The following BBOX1 variants were observed in gnomAD, a reference collection of about 807,000 sequenced individuals.
The protein encoded by BBOX1 is gamma-butyrobetaine dioxygenase.
Under a neutral mutation model 41.6 loss-of-function variants are expected in BBOX1, and 35 were observed. That is an observed-to-expected ratio of 0.84 (90% CI 0.64 to 1.11). The LOEUF (loss-of-function observed/expected upper bound fraction) is 1.11. Ranked by LOEUF, BBOX1 falls within the 50% of genes most tolerant of loss-of-function variation. The probability of loss-of-function intolerance (pLI) is 0.00; values close to 1 mark genes in which losing one functional copy is unlikely to be tolerated. For synonymous variants in BBOX1, 163 were observed against 154.7 expected (o/e 1.05, Z -0.40); for missense variants, 458 against 460.6 (o/e 0.99, Z 0.05).
chr11:27,112,825 G>A (rs1859119284), intron 5 of BBOX1, among the ~76,000 whole-genome samples: 1 of 151,822 alleles, frequency 6.6e-6, no homozygotes, highest in Non-Finnish European at 1.5e-5. Flanking sequence ...TTCAACTAAA[G>A]AGCTTCTACA....
intron 5 of BBOX1, among the ~76,000 whole-genome samples, chr11:27,096,074 G>A (rs1446817375): frequency 6.6e-6 from 1 of 151,946 alleles, no homozygotes; most frequent in African/African-American, 2.4e-5. Context: ...CTCATGTGCA[G>A]CCAAGGTTGA....
chr11:27,111,176 G>A (rs1859048801), intron 5 of BBOX1, among the ~76,000 whole-genome samples: 2 of 151,860 alleles, frequency 1.3e-5, no homozygotes, highest in South Asian at 2.1e-4. Flanking sequence ...CCATATAAAA[G>A]AACAAAATCA....
At chr11:27,045,935 T>C (rs1851474027) in intron 2 of BBOX1, among the ~76,000 whole-genome samples, 1 of 152,208 alleles carries the variant, frequency 6.6e-6, no homozygotes, top group African/African-American at 2.4e-5. Flanking sequence ...TTGTAAGTAA[T>C]GTTTGAAGAA....
chr11:27,075,618 T>G (rs920311540), intron 4 of BBOX1, among the ~76,000 whole-genome samples: 2 of 152,142 alleles, frequency 1.3e-5, no homozygotes, highest in Non-Finnish European at 2.9e-5. Context: ...CCTGACCCAG[T>G]GCTACAGCTA....
chr11:27,123,960 T>C (rs957784662), intron 7 of BBOX1, among the ~76,000 whole-genome samples: 1 of 152,188 alleles, frequency 6.6e-6, no homozygotes, highest in Non-Finnish European at 1.5e-5. Flanking sequence ...GTGGGTTCAA[T>C]AGGTAGTTTT....
intron 2 of BBOX1, among the ~76,000 whole-genome samples, chr11:27,053,309 T>C (rs1228163167): frequency 6.6e-6 from 1 of 152,178 alleles, no homozygotes; most frequent in East Asian, 1.9e-4. Flanking sequence ...TCCATCGTAA[T>C]GAAAGCATAA....
chr11:27,062,879 T>C (rs1857173079), intron 4 of BBOX1: 1 of 152,866 alleles, frequency 6.5e-6, no homozygotes, highest in African/African-American at 2.4e-5. Flanking sequence ...TTTTTTCTTC[T>C]TGCATTCTCC....
intron 4 of BBOX1, among the ~76,000 whole-genome samples, chr11:27,066,334 A>G (rs1193674681): frequency 2.6e-5 from 4 of 152,190 alleles, no homozygotes; most frequent in Admixed American, 1.3e-4. Context: ...AAGTGTTCCA[A>G]TTTCCAAAAG....
rs898067944 is a variant in BBOX1 at position 27,099,763 on chromosome 11, C to T, written c.533+6397C>T. Among the ~76,000 whole-genome samples, 8 of 152,160 alleles carry T rather than the reference C, an allele frequency of 5.3e-5. No individual in the cohort carries two copies. In the East Asian group the frequency reaches 5.8e-4, roughly 11 times the overall value. On this transcript the variant is annotated intron_variant, in intron 5 of 8. Transcript: ENST00000263182. ...AGATCTCTCTGATCCTCCTCTACTG[C>T]GGACTTGCCTCACTCTTTCTGCAGG...
intron 6 of BBOX1, among the ~76,000 whole-genome samples, chr11:27,118,696 T>A (rs1468136315): frequency 6.6e-6 from 1 of 152,052 alleles, no homozygotes; most frequent in Non-Finnish European, 1.5e-5. Context: ...TCAGGCTCCA[T>A]CATCTTTTTT....
In BBOX1 at chr11:27,062,074, A is replaced by G. The variant is rs566553224; in HGVS notation, c.334+4759A>G. On this transcript the variant is annotated intron_variant, in intron 4 of 8. Transcript: ENST00000263182. ...AAGGGATGAAGGAATGATCCTCAGA[A>G]ATGAGGTAATACTTGAGTTGCACTT... 2.0e-3 allele frequency among the ~76,000 whole-genome samples: 310 copies of G among 152,332 alleles called. 1 individual carries two copies. The highest frequency in any genetic ancestry group is 7.1e-3 in the African/African-American group (297 of 41,584).
At chr11:27,046,918 A>G (rs1439846259) in intron 2 of BBOX1, among the ~76,000 whole-genome samples, 1 of 148,528 alleles carries the variant, frequency 6.7e-6, no homozygotes, top group African/African-American at 2.4e-5. Context: ...ATGATCTGCA[A>G]TTTTTTTTTT....
At chr11:27,063,821 T>C (rs1011973190) in intron 4 of BBOX1, among the ~76,000 whole-genome samples, 1 of 151,922 alleles carries the variant, frequency 6.6e-6, no homozygotes, top group Non-Finnish European at 1.5e-5. Flanking sequence ...CACAAATAAC[T>C]GTTAGGACCC....
chr11:27,079,055 C>T (rs564477759), intron 4 of BBOX1, among the ~76,000 whole-genome samples: 21 of 152,058 alleles, frequency 1.4e-4, no homozygotes, highest in Non-Finnish European at 2.6e-4. Context: ...AGAACATTTG[C>T]GAAAAAGACA....
At chr11:27,105,673 T>C (rs143367643) in intron 5 of BBOX1, among the ~76,000 whole-genome samples, 1,869 of 152,144 alleles carry the variant, frequency 0.012, 19 homozygotes, top group South Asian at 0.028. Flanking sequence ...CACTGCAGGA[T>C]ATCATCCAGG....
chr11:27,114,574 G>A (rs1224422925), intron 5 of BBOX1, among the ~76,000 whole-genome samples: 4 of 151,734 alleles, frequency 2.6e-5, no homozygotes, highest in Admixed American at 6.6e-5. Context: ...ATAGAATTTT[G>A]AGAGTCCAGA....
In BBOX1 at chr11:27,055,194, T is replaced by C. The variant is rs563262846; in HGVS notation, c.-38-199T>C. The C allele has an allele frequency of 2.1e-5, 9 of 425,880 alleles. No homozygotes were observed. The Admixed American group carries it at 3.1e-4, about 15-fold the overall frequency. 26.4% of individuals were successfully genotyped at this position (425,880 alleles called of 1,614,324 possible). On this transcript the variant is annotated intron_variant, in intron 2 of 8. Transcript: ENST00000263182. ...GACTCAGCACTTACATCCCATTTAC[T>C]TTTAGTCACTGTGTTTCTGCTTACA... is the stretch of plus-strand genomic sequence containing the variant.
Sources: gnomAD v4.1 joint callset for allele counts (sites outside exome capture counted in the v4.1 genomes callset) on GRCh38, gnomAD v4.1.1 for gene constraint, MANE v1.5 for transcripts, NCBI Gene and HGNC (gene_info 2026-07-23, HGNC 2026-07-21) for gene names.